NCOR1: variants seen among roughly 807,000 people sequenced by gnomAD.
The protein encoded by NCOR1 is nuclear receptor corepressor 1, also known as protein phosphatase 1, regulatory subunit 109.
In NCOR1, 63 loss-of-function variants were observed where a neutral mutation model predicts 288.1. That is an observed-to-expected ratio of 0.22 (90% CI 0.18 to 0.27). NCOR1 has a LOEUF of 0.27. NCOR1 is among the 10% of genes least tolerant of loss of function. The pLI is 1.00. For missense variants in NCOR1, 2,397 were observed against 3,019.2 expected (o/e 0.79, Z 4.83); for synonymous variants, 1,007 against 1,065.9 (o/e 0.94, Z 1.08).
At chr17:16,050,446 C>A (rs1437449847) in intron 40 of NCOR1, among the ~76,000 whole-genome samples, 1 of 152,114 alleles carries the variant, frequency 6.6e-6, no homozygotes, top group African/African-American at 2.4e-5. Flanking sequence ...TGGTCTCAAA[C>A]TCCTGACCTC....
intron 20 of NCOR1, among the ~76,000 whole-genome samples, chr17:16,100,776 TA>T (rs1454820075): frequency 6.6e-6 from 1 of 152,266 alleles, no homozygotes. Flanking sequence ...TTATGCTTTC[TA>T]AAAATTTTCA....
rs181761312 is a variant in NCOR1, at chr17:16,105,290, G to A, written c.2182+3496C>T. On this transcript the variant is annotated intron_variant, in intron 19 of 45. Transcript: ENST00000268712. ...ACATTAGTCAGGTGTGGTGGTACAC[G>A]CCTATGGTCCCAGATACTTGGGGGG... Among the ~76,000 whole-genome samples, 1,197 of 152,232 alleles carry A rather than the reference G, an allele frequency of 7.9e-3. 6 individuals carry two copies. The highest frequency in any genetic ancestry group is 0.014 in the Middle Eastern group (4 of 294).
intron 4 of NCOR1, among the ~76,000 whole-genome samples, chr17:16,165,891 AAC>A (rs1186009771): frequency 1.2e-4 from 18 of 152,228 alleles, no homozygotes; most frequent in Non-Finnish European, 2.5e-4. Flanking sequence ...AATATTATAA[AAC>A]AGATAAATTT....
intron 42 of NCOR1, 27 bp downstream of exon 42, chr17:16,046,923 TG>T (rs1289134864): frequency 5.0e-6 from 8 of 1,610,630 alleles, no homozygotes; most frequent in Non-Finnish European, 6.8e-6. Context: ...ATGTTTTATT[TG>T]GGGTTCATGA....
Position 16,065,593 on chromosome 17 carries a change from T to G in NCOR1, c.4843A>C (p.Asn1615His). Residue 1615 changes from asparagine (N) to histidine (H), a missense_variant, in exon 33 of 46, where the codon AAT becomes CAT. Coordinates refer to ENST00000268712, the MANE Select transcript of NCOR1 (RefSeq NM_006311.4). ...AMENTRQTIL[N>H]DYITSQQMQV... ...ATCTGTTGTGAGGTAATGTAATCAT[T>G]TAAGATTGTCTGTCTTGTGTTCTCC... 1 of 1,614,238 alleles carries G rather than the reference T, an allele frequency of 6.2e-7. No homozygotes were observed. Among genetic ancestry groups the G allele is most frequent in the Non-Finnish European group, 8.5e-7 (1 of 1,180,048 alleles).
In NCOR1 at chr17:16,196,321, G is replaced by T. The variant is rs373923707; in HGVS notation, c.-70-1682C>A. Among the ~76,000 whole-genome samples, 15 of 151,962 alleles carry T rather than the reference G, an allele frequency of 9.9e-5. No individual in the cohort carries two copies. The East Asian group carries it at 1.5e-3, about 16-fold the overall frequency. On this transcript the variant is annotated intron_variant, in intron 1 of 45. Transcript: ENST00000268712. ...TTTTTATCAATATATTCTTTATCCA[G>T]TTAGGTTTAAAAAATAAAATTTTTT...
chr17:16,064,216 A>G, intron 34 of NCOR1, 29 bp from the exon 35 acceptor site: 5 of 1,598,438 alleles, frequency 3.1e-6, no homozygotes, highest in Non-Finnish European at 4.3e-6. Context: ...CAGCTTAAAG[A>G]TAAAAATATC....
rs758509728 is a variant in NCOR1 at position 16,139,163 on chromosome 17, C to G, written c.1197G>C (p.Gln399His). The G allele has an allele frequency of 6.2e-7, 1 of 1,609,140 alleles. No individual in the cohort carries two copies. The highest frequency in any genetic ancestry group is 8.5e-7 in the Non-Finnish European group (1 of 1,178,756). The change falls in exon 12 of 46, where the codon CAG becomes CAC. Residue 399 changes from glutamine (Q) to histidine (H), a missense_variant. This residue lies in a region of NCOR1 where 80 missense variants were observed against 100.3 expected (regional missense o/e 0.80). Transcript: ENST00000268712. ...EQENNEKQMRQLSVIPPMMFD... is the reference protein window; with the variant it reads ...EQENNEKQMRHLSVIPPMMFD... ...ACATCATAGGTGGAATCACAGAGAG[C>G]TGCCGCATTTGTTTCTCATTATTCT... is the stretch of plus-strand genomic sequence containing the variant.
intron 2 of NCOR1, among the ~76,000 whole-genome samples, chr17:16,188,544 G>GA (rs1474992277): frequency 6.6e-6 from 1 of 151,788 alleles, no homozygotes; most frequent in Non-Finnish European, 1.5e-5. Context: ...CCAGGAGGGG[G>GA]AGGGTGCAGT....
At chr17:16,079,006 A>T (rs992714980) in intron 26 of NCOR1, among the ~76,000 whole-genome samples, 1 of 152,340 alleles carries the variant, frequency 6.6e-6, no homozygotes, top group South Asian at 2.1e-4. Flanking sequence ...GGGGATTTTA[A>T]TTCACATGAT....
chr17:16,202,223 CAAAAAAA>C (rs35812448), intron 1 of NCOR1, among the ~76,000 whole-genome samples: 5 of 97,420 alleles, frequency 5.1e-5, no homozygotes, highest in African/African-American at 8.6e-5. Flanking sequence ...GACTCCATCT[CAAAAAAA>C]AAAAAAAAAA....
At chr17:16,143,883 T>A (rs1482405545) in intron 10 of NCOR1, among the ~76,000 whole-genome samples, 187 bp from the exon 11 acceptor site, 1 of 152,206 alleles carries the variant, frequency 6.6e-6, no homozygotes, top group East Asian at 1.9e-4. Flanking sequence ...AATTTAAATG[T>A]TACGATTGAG....
intron 20 of NCOR1, among the ~76,000 whole-genome samples, chr17:16,099,829 G>GGTA (rs1399588335): frequency 1.1e-4 from 16 of 152,110 alleles, no homozygotes; most frequent in Non-Finnish European, 1.9e-4. Context: ...CACTTAAGCA[G>GGTA]AACACCTATT....
At chr17:16,087,624 C>A (rs766599522) in intron 22 of NCOR1, among the ~76,000 whole-genome samples, 3 of 152,212 alleles carry the variant, frequency 2.0e-5, no homozygotes, top group South Asian at 2.1e-4. Context: ...AATAAAATCA[C>A]AACAGGCAAA....
At chr17:16,041,479 T>C (rs1297532421) in intron 42 of NCOR1, among the ~76,000 whole-genome samples, 2 of 143,180 alleles carry the variant, frequency 1.4e-5, no homozygotes, top group Non-Finnish European at 3.0e-5. Flanking sequence ...AATGGCGTGA[T>C]CTAGGCTCAC....
Position 16,041,675 on chromosome 17 carries a change from A to C in NCOR1, c.6680-1181T>G, listed in dbSNP as rs948200794. ...GGTGATCTACCCACCTCAGCCTCCT[A>C]AAGTGCTGGGATTACAGGCATGGGC... is the stretch of plus-strand genomic sequence containing the variant. On this transcript the variant is annotated intron_variant, in intron 42 of 45. Coordinates refer to ENST00000268712, the MANE Select transcript of NCOR1 (RefSeq NM_006311.4). Among the ~76,000 whole-genome samples the C allele has an allele frequency of 5.3e-5, 8 of 152,122 alleles. No homozygotes were observed. The East Asian group carries it at 1.5e-3, about 29-fold the overall frequency.
chr17:16,061,224 A>G (rs1277066213), intron 37 of NCOR1, among the ~76,000 whole-genome samples, 177 bp downstream of exon 37: 2 of 152,234 alleles, frequency 1.3e-5, no homozygotes, highest in African/African-American at 2.4e-5. Context: ...TGATAGGCTT[A>G]TATGTAGGAA....
Position 16,071,653 on chromosome 17 carries a change from G to A in NCOR1, c.3908C>T (p.Ala1303Val), listed in dbSNP as rs764540006. The A allele has an allele frequency of 1.2e-6, 2 of 1,610,384 alleles. No homozygotes were observed. The highest frequency in any genetic ancestry group is 2.7e-5 in the African/African-American group (2 of 74,618). Residue 1303 changes from alanine to valine, a missense_variant, in exon 30 of 46, where the codon GCA (alanine) becomes GTA (valine). Physicochemically the swap from Ala to Val is moderately conservative, Grantham distance 64. Transcript: ENST00000268712. Reference sequence around the variant, plus strand: ...GCCATCTTCAAAGCTTTCAGTTGTTGCTCTTGGTGTCCCTTGAAAAAGAAT... The same window carrying A: ...GCCATCTTCAAAGCTTTCAGTTGTTACTCTTGGTGTCCCTTGAAAAAGAAT... ...SGSIMQGTPR[A>V]TTESFEDGLK...
At position 16,165,156 on chromosome 17, in the gene NCOR1, T is replaced by C. The variant is rs2081772457; in HGVS notation, c.441A>G (p.Pro147=). 6.3e-7 allele frequency: 1 copy of C among 1,593,368 alleles called. No individual in the cohort carries two copies. The highest frequency in any genetic ancestry group is 1.9e-5 in the Admixed American group (1 of 53,742). ...LRASADAKKD[P]AFGGKHEAPS... ...GAGCTTCATGTTTGCCTCCGAATGC[T>C]GGATCCTTTAGAGAATAAAACCAAG... The change falls in exon 5 of 46, where the codon CCA becomes CCG. Residue 147 remains proline, a synonymous_variant. Transcript: ENST00000268712.
Sources: gnomAD v4.1 joint callset for allele counts (sites outside exome capture counted in the v4.1 genomes callset) on GRCh38, gnomAD v4.1.1 for gene constraint, gnomAD v4.1.1 regional missense constraint, MANE v1.5 for transcripts, NCBI Gene and HGNC (gene_info 2026-07-23, HGNC 2026-07-21) for gene names.